ATP9B: variants seen among roughly 807,000 people sequenced by gnomAD.
ATP9B encodes the protein probable phospholipid-transporting ATPase IIB.
In ATP9B, 110 loss-of-function variants were observed where a neutral mutation model predicts 146.1. That is an observed-to-expected ratio of 0.75 (90% CI 0.65 to 0.88). The LOEUF is 0.88. Among genes scored for constraint, ATP9B ranks in the 40% least tolerant of loss-of-function variants. The pLI is 0.00. For missense variants in ATP9B, 1,499 were observed against 1,496.4 expected (o/e 1.00, Z -0.03); for synonymous variants, 604 against 569.7 (o/e 1.06, Z -0.86).
At chr18:79,186,135 A>G (rs1255360921) in intron 8 of ATP9B, among the ~76,000 whole-genome samples, 1 of 152,216 alleles carries the variant, frequency 6.6e-6, no homozygotes, top group Non-Finnish European at 1.5e-5. Flanking sequence ...GTAACTTTCA[A>G]TAAATCATGA....
chr18:79,085,266 C>A (rs2073704974), intron 1 of ATP9B: 1 of 152,210 alleles, frequency 6.6e-6, no homozygotes. Flanking sequence ...CCACCCCCTA[C>A]CCCATGATTC....
chr18:79,105,616 C>A (rs990751468), intron 2 of ATP9B, among the ~76,000 whole-genome samples: 2 of 152,120 alleles, frequency 1.3e-5, no homozygotes, highest in East Asian at 3.8e-4. Flanking sequence ...GTGAATACAC[C>A]TTTCTGTAAG....
intron 11 of ATP9B, among the ~76,000 whole-genome samples, chr18:79,237,414 T>A (rs2095851933): frequency 6.6e-6 from 1 of 152,270 alleles, no homozygotes; most frequent in Non-Finnish European, 1.5e-5. Flanking sequence ...CATGAGTCAG[T>A]GTCCACGCAC....
intron 11 of ATP9B, among the ~76,000 whole-genome samples, chr18:79,222,102 AT>A (rs1279643250): frequency 6.6e-6 from 1 of 152,126 alleles, no homozygotes; most frequent in Non-Finnish European, 1.5e-5. Flanking sequence ...TTTCCAAAAA[AT>A]AATTTATATT....
chr18:79,073,639 G>C (rs569658725), intron 1 of ATP9B, among the ~76,000 whole-genome samples: 1 of 152,012 alleles, frequency 6.6e-6, no homozygotes, highest in African/African-American at 2.4e-5. Flanking sequence ...GACGAGGGAG[G>C]GGGGAGACCG....
chr18:79,153,768 A>T (rs1217993952), intron 6 of ATP9B, among the ~76,000 whole-genome samples: 1 of 150,870 alleles, frequency 6.6e-6, no homozygotes, highest in African/African-American at 2.4e-5. Flanking sequence ...CTCAGCCCTC[A>T]GCCTCCCTAG....
intron 9 of ATP9B, among the ~76,000 whole-genome samples, chr18:79,196,942 G>C (rs1354736003): frequency 1.3e-5 from 2 of 152,110 alleles, no homozygotes; most frequent in African/African-American, 4.8e-5. Context: ...TGGACAGAAA[G>C]GTAGGAGAGG....
chr18:79,208,674 G>A (rs1419532278), intron 10 of ATP9B, among the ~76,000 whole-genome samples: 1 of 151,464 alleles, frequency 6.6e-6, no homozygotes, highest in Non-Finnish European at 1.5e-5. Flanking sequence ...AATTTTTGTG[G>A]GTGTTTCATG....
intron 12 of ATP9B, among the ~76,000 whole-genome samples, chr18:79,262,969 T>C (rs903907587): frequency 5.3e-5 from 8 of 152,272 alleles, no homozygotes; most frequent in African/African-American, 1.4e-4. Context: ...AAAAAAATTA[T>C]AGTTAACAAA....
chr18:79,082,433 G>A (rs747057441), intron 1 of ATP9B, among the ~76,000 whole-genome samples: 3 of 152,204 alleles, frequency 2.0e-5, no homozygotes, highest in Non-Finnish European at 4.4e-5. Context: ...TCTCTGTCCA[G>A]TTTTGTTCTC....
chr18:79,165,583 A>G (rs1212849965), intron 7 of ATP9B, among the ~76,000 whole-genome samples: 3 of 152,184 alleles, frequency 2.0e-5, no homozygotes, highest in Non-Finnish European at 4.4e-5. Flanking sequence ...ACCTTTAGGA[A>G]TACTTGTTTT....
At chr18:79,345,945 CGT>C (rs2147495237) in intron 23 of ATP9B, 106 bp downstream of exon 23, 1 of 1,260,466 alleles carries the variant, frequency 7.9e-7, no homozygotes, top group African/African-American at 1.5e-5. Flanking sequence ...GGTCAGTGCA[CGT>C]CAGCATGTGC....
intron 9 of ATP9B, among the ~76,000 whole-genome samples, chr18:79,203,357 C>G (rs950243505): frequency 6.6e-6 from 1 of 150,970 alleles, no homozygotes; most frequent in African/African-American, 2.4e-5. Flanking sequence ...CCCGATACTT[C>G]GTAGAGGTAG....
At chr18:79,147,106 A>G (rs2147501590) in intron 6 of ATP9B, among the ~76,000 whole-genome samples, 1 of 152,350 alleles carries the variant, frequency 6.6e-6, no homozygotes, top group Non-Finnish European at 1.5e-5. Context: ...TAACACAGAC[A>G]AAAAGAGATG....
At chr18:79,268,609 AC>A (rs1451339715) in intron 12 of ATP9B, among the ~76,000 whole-genome samples, 1 of 152,208 alleles carries the variant, frequency 6.6e-6, no homozygotes, top group Non-Finnish European at 1.5e-5. Context: ...TTCTGGACTT[AC>A]ACCATTTTTG....
chr18:79,182,200 C>G (rs1305241275), intron 8 of ATP9B, among the ~76,000 whole-genome samples: 2 of 152,140 alleles, frequency 1.3e-5, no homozygotes, highest in African/African-American at 2.4e-5. Context: ...GAAATCCTTG[C>G]TGGTTCACAG....
chr18:79,266,579 AGTTT>A (rs1288767525), intron 12 of ATP9B, among the ~76,000 whole-genome samples: 2 of 152,098 alleles, frequency 1.3e-5, no homozygotes, highest in African/African-American at 2.4e-5. Context: ...GTATGCTATA[AGTTT>A]GTTTATAGAA....
chr18:79,283,893 A>C (rs1244992699), intron 13 of ATP9B, among the ~76,000 whole-genome samples: 1 of 152,330 alleles, frequency 6.6e-6, no homozygotes, highest in Non-Finnish European at 1.5e-5. Flanking sequence ...AGAACTCATA[A>C]ATTTTAAAAC....
At chr18:79,334,581 G>C (rs192173630) in intron 17 of ATP9B, among the ~76,000 whole-genome samples, 140 of 152,116 alleles carry the variant, frequency 9.2e-4, no homozygotes, top group African/African-American at 2.8e-3. Context: ...CACAGCAGAG[G>C]GGGGTGGGGT....
Sources: gnomAD v4.1 joint callset for allele counts (sites outside exome capture counted in the v4.1 genomes callset) on GRCh38, gnomAD v4.1.1 for gene constraint, MANE v1.5 for transcripts, NCBI Gene and HGNC (gene_info 2026-07-23, HGNC 2026-07-21) for gene names.